MTF2: variants seen among roughly 807,000 people sequenced by gnomAD.
The protein encoded by MTF2 is metal-response element-binding transcription factor 2.
MTF2 carries 11 observed loss-of-function variants against 79.5 expected under a neutral mutation model. The observed-to-expected ratio is 0.14, with a 90% CI of 0.09 to 0.23. MTF2 has a LOEUF of 0.23. Ranked by LOEUF, MTF2 falls within the 10% of genes least tolerant of loss-of-function variation. The pLI, the probability that MTF2 is intolerant of heterozygous loss-of-function variation, is 1.00. For synonymous variants in MTF2, 208 were observed against 232.8 expected (o/e 0.89, Z 0.97); for missense variants, 486 against 711.2 (o/e 0.68, Z 3.60).
intron 9 of MTF2, among the ~76,000 whole-genome samples, chr1:93,126,551 A>G (rs559397045): frequency 1.6e-4 from 25 of 152,088 alleles, no homozygotes; most frequent in African/African-American, 4.3e-4. Context: ...TTTCTTTGCT[A>G]ATATGCCTTA....
At chr1:93,102,814 A>AT (rs1655600687) in intron 1 of MTF2, among the ~76,000 whole-genome samples, 2 of 152,092 alleles carry the variant, frequency 1.3e-5, no homozygotes, top group Admixed American at 1.3e-4. Flanking sequence ...GGATATGGGT[A>AT]TATAAATGAA....
At chr1:93,087,890 T>C (rs1654914702) in intron 1 of MTF2, among the ~76,000 whole-genome samples, 1 of 152,182 alleles carries the variant, frequency 6.6e-6, no homozygotes, top group Admixed American at 6.5e-5. Flanking sequence ...AACAGTAGTC[T>C]TCCCTTCCTA....
chr1:93,125,162 T>C (rs1463292123), intron 9 of MTF2, among the ~76,000 whole-genome samples: 1 of 151,998 alleles, frequency 6.6e-6, no homozygotes, highest in Non-Finnish European at 1.5e-5. Context: ...AGTTTTGCTG[T>C]TGACTCAGCA....
chr1:93,104,945 A>G (rs1285324691), intron 1 of MTF2, among the ~76,000 whole-genome samples: 1 of 152,128 alleles, frequency 6.6e-6, no homozygotes, highest in East Asian at 1.9e-4. Context: ...TCACGAGGTC[A>G]GGAGATCGAG....
At chr1:93,134,469 T>G (rs1647292978) in intron 14 of MTF2, 1 of 333,888 alleles carries the variant, frequency 3.0e-6, no homozygotes, top group African/African-American at 2.2e-5. Context: ...GCTGTGCTCG[T>G]TAGGCTTTTT....
chr1:93,093,746 G>A (rs141442525), intron 1 of MTF2, among the ~76,000 whole-genome samples: 28 of 152,138 alleles, frequency 1.8e-4, no homozygotes, highest in African/African-American at 6.3e-4. Flanking sequence ...GTTGCCCAGG[G>A]TGGAGTGTAG....
At chr1:93,094,418 T>C (rs1334606244) in intron 1 of MTF2, among the ~76,000 whole-genome samples, 1 of 151,256 alleles carries the variant, frequency 6.6e-6, no homozygotes, top group South Asian at 2.1e-4. Flanking sequence ...TTTGTAGTCT[T>C]ATTATTCAGA....
intron 4 of MTF2, 76 bp downstream of exon 4, chr1:93,114,859 A>G (rs1557553034): frequency 1.0e-5 from 13 of 1,299,046 alleles, no homozygotes; most frequent in Non-Finnish European, 1.4e-5. Context: ...AATACTTTAC[A>G]TTGATAATTT....
At position 93,115,465 on chromosome 1, in the gene MTF2, T is replaced by C. The variant is rs2101065583; in HGVS notation, c.484-5T>C. 1 of 1,562,276 alleles carries C rather than the reference T, an allele frequency of 6.4e-7. No individual in the cohort carries two copies. The highest frequency in any genetic ancestry group is 1.4e-5 in the African/African-American group (1 of 72,484). On this transcript the variant is annotated splice_polypyrimidine_tract_variant and splice_region_variant and intron_variant, in intron 5 of 14. Coordinates refer to ENST00000370298, the MANE Select transcript of MTF2 (RefSeq NM_007358.4). ...CTCTTTCACATTTTTTTCCCTCTAATGTAGAGGGGTGGTGCACTTAAGAAA... is the reference window on the plus strand; with the variant it reads ...CTCTTTCACATTTTTTTCCCTCTAACGTAGAGGGGTGGTGCACTTAAGAAA...
At chr1:93,086,320 A>G (rs1158837241) in intron 1 of MTF2, among the ~76,000 whole-genome samples, 1 of 152,088 alleles carries the variant, frequency 6.6e-6, no homozygotes, top group African/African-American at 2.4e-5. Context: ...CTGGGCCAAC[A>G]TAGTGAAACC....
chr1:93,121,300 A>G, intron 9 of MTF2: 1 of 876,448 alleles, frequency 1.1e-6, no homozygotes, highest in Non-Finnish European at 1.4e-6. Flanking sequence ...AATGAATAGC[A>G]GAAAGAGAAA....
chr1:93,086,519 TGAG>T (rs1219378353), intron 1 of MTF2, among the ~76,000 whole-genome samples: 66 of 126,124 alleles, frequency 5.2e-4, no homozygotes, highest in African/African-American at 1.8e-3. Context: ...AAAAAAAAGA[TGAG>T]GAAGAAGGGC....
At chr1:93,113,232 A>T (rs950565139) in intron 3 of MTF2, among the ~76,000 whole-genome samples, 1 of 151,606 alleles carries the variant, frequency 6.6e-6, no homozygotes, top group Non-Finnish European at 1.5e-5. Context: ...AAAAAAAAAA[A>T]ATAGGCATGG....
intron 1 of MTF2, among the ~76,000 whole-genome samples, chr1:93,087,472 T>C (rs1235154363): frequency 6.6e-6 from 1 of 151,454 alleles, no homozygotes; most frequent in Non-Finnish European, 1.5e-5. Flanking sequence ...CTCAGGAGGC[T>C]GAGGCAGGAG....
rs1402931154 is a variant in MTF2, at chr1:93,079,510, A to G, written c.-17A>G. ...TTTTTTCCTGTATGAAGCGGTTGGC[A>G]CCACTGAAGTGACCGAATGAGGTGA... On this transcript the variant is annotated 5_prime_UTR_variant, in exon 1 of 15. Coordinates refer to ENST00000370298, the MANE Select transcript of MTF2 (RefSeq NM_007358.4). The G allele has an allele frequency of 6.2e-7, 1 of 1,613,788 alleles. No homozygotes were observed. Among genetic ancestry groups the G allele is most frequent in the Non-Finnish European group, 8.5e-7 (1 of 1,180,002 alleles).
chr1:93,098,487 G>A (rs1490024973), intron 1 of MTF2, among the ~76,000 whole-genome samples: 1 of 152,104 alleles, frequency 6.6e-6, no homozygotes, highest in Non-Finnish European at 1.5e-5. Context: ...AGCAGGCATT[G>A]TATATTTGTT....
chr1:93,100,061 C>G (rs967777593), intron 1 of MTF2, among the ~76,000 whole-genome samples: 12 of 151,994 alleles, frequency 7.9e-5, no homozygotes, highest in African/African-American at 2.7e-4. Flanking sequence ...ACTTCAATAG[C>G]AAGAAGTCAG....
At chr1:93,084,127 C>T (rs1654735371) in intron 1 of MTF2, among the ~76,000 whole-genome samples, 1 of 151,844 alleles carries the variant, frequency 6.6e-6, no homozygotes, top group East Asian at 1.9e-4. Flanking sequence ...TTAGCTTTTA[C>T]ATTTAGGTCC....
At chr1:93,111,533 G>C (rs1656027850) in intron 3 of MTF2, among the ~76,000 whole-genome samples, 1 of 152,072 alleles carries the variant, frequency 6.6e-6, no homozygotes, top group African/African-American at 2.4e-5. Context: ...GTTTCTTAAA[G>C]AATAAAAAAA....
Sources: allele counts gnomAD v4.1 joint callset (sites outside exome capture counted in the v4.1 genomes callset), GRCh38; gene constraint gnomAD v4.1.1; transcripts MANE v1.5; gene names NCBI Gene and HGNC (gene_info 2026-07-23, HGNC 2026-07-21).